The following ADAMTS3 variants were observed in gnomAD, a reference collection of about 807,000 sequenced individuals.
ADAMTS3 encodes A disintegrin and metalloproteinase with thrombospondin motifs 3.
ADAMTS3 carries 73 observed loss-of-function variants against 129.0 expected under a neutral mutation model. The observed-to-expected ratio is 0.57, with a 90% confidence interval of 0.47 to 0.69. The LOEUF (loss-of-function observed/expected upper bound fraction) is 0.69. Ranked by LOEUF, ADAMTS3 falls within the 30% of genes least tolerant of loss-of-function variation. The probability of loss-of-function intolerance (pLI) is 0.00; values close to 1 mark genes in which losing one functional copy is unlikely to be tolerated. For missense variants in ADAMTS3, 1,457 were observed against 1,514.5 expected, an observed-to-expected ratio of 0.96 and a Z score of 0.63; for synonymous variants, 477 against 510.8, an observed-to-expected ratio of 0.93 and a Z score of 0.89.
intron 4 of ADAMTS3, among the ~76,000 whole-genome samples, chr4:72,403,784 T>C (rs995533852): frequency 6.6e-6 from 1 of 151,936 alleles, no homozygotes; most frequent in Non-Finnish European, 1.5e-5. Context: ...CTTGAACACA[T>C]AGGGTTTCTG....
chr4:72,339,239 C>T (rs1191679564), intron 5 of ADAMTS3, among the ~76,000 whole-genome samples: 1 of 152,168 alleles, frequency 6.6e-6, no homozygotes, highest in Admixed American at 6.5e-5. Flanking sequence ...CTCATTATGG[C>T]TTTTTAAATT....
intron 3 of ADAMTS3, among the ~76,000 whole-genome samples, chr4:72,449,946 A>G (rs1242445882): frequency 6.6e-6 from 1 of 151,662 alleles, no homozygotes; most frequent in Non-Finnish European, 1.5e-5. Flanking sequence ...ATGTAACACT[A>G]AACTTATTTA....
intron 4 of ADAMTS3, among the ~76,000 whole-genome samples, chr4:72,391,725 G>C (rs1387259132): frequency 6.6e-6 from 1 of 152,032 alleles, no homozygotes; most frequent in Admixed American, 6.6e-5. Context: ...TAGAAAACCA[G>C]GGAAGTGTTC....
chr4:72,513,877 T>C (rs986911076), intron 3 of ADAMTS3, among the ~76,000 whole-genome samples: 2 of 152,158 alleles, frequency 1.3e-5, no homozygotes, highest in Non-Finnish European at 2.9e-5. Context: ...TGTCTGTTAT[T>C]AGGGTAAACA....
At position 72,500,023 on chromosome 4, in the gene ADAMTS3, C is replaced by T. The variant is rs116994538; in HGVS notation, c.504+48455G>A. Among the ~76,000 whole-genome samples, 378 of 152,216 alleles carry T rather than the reference C, an allele frequency of 2.5e-3. 3 individuals are homozygous for T. The highest frequency in any genetic ancestry group is 0.018 in the East Asian group (95 of 5,184). On this transcript the variant is annotated intron_variant, in intron 3 of 21. Coordinates refer to ENST00000286657, the MANE Select transcript of ADAMTS3 (RefSeq NM_014243.3). ...TACCACATTTTCTTTATCCAATCCACGACTGATGAACACTTAGATTGATTC... is the reference window on the plus strand; with the variant it reads ...TACCACATTTTCTTTATCCAATCCATGACTGATGAACACTTAGATTGATTC...
chr4:72,378,264 C>T (rs1251154360), intron 4 of ADAMTS3, among the ~76,000 whole-genome samples: 1 of 152,150 alleles, frequency 6.6e-6, no homozygotes, highest in Non-Finnish European at 1.5e-5. Context: ...CCATAATCCA[C>T]TTTAAATTGG....
At chr4:72,478,798 T>G (rs1418455809) in intron 3 of ADAMTS3, among the ~76,000 whole-genome samples, 1 of 151,914 alleles carries the variant, frequency 6.6e-6, no homozygotes, top group Non-Finnish European at 1.5e-5. Flanking sequence ...AAAACCCCAT[T>G]GTCTCAGCCC....
intron 3 of ADAMTS3, among the ~76,000 whole-genome samples, chr4:72,502,262 T>G (rs1356993389): frequency 6.6e-6 from 1 of 152,114 alleles, no homozygotes; most frequent in South Asian, 2.1e-4. Flanking sequence ...TTTTTGGTGG[T>G]AAGTTTTTTA....
At chr4:72,487,152 G>T (rs1719612118) in intron 3 of ADAMTS3, among the ~76,000 whole-genome samples, 1 of 152,034 alleles carries the variant, frequency 6.6e-6, no homozygotes, top group South Asian at 2.1e-4. Context: ...TCTATAAAAG[G>T]TATGTCAACT....
chr4:72,516,904 T>C (rs1720500606), intron 3 of ADAMTS3, among the ~76,000 whole-genome samples: 1 of 152,158 alleles, frequency 6.6e-6, no homozygotes, highest in South Asian at 2.1e-4. Context: ...AGGGCATCCC[T>C]GTCTTGTGCC....
chr4:72,475,353 G>A (rs2109998429), intron 3 of ADAMTS3, among the ~76,000 whole-genome samples: 1 of 151,948 alleles, frequency 6.6e-6, no homozygotes, highest in East Asian at 1.9e-4. Context: ...AAAATCATAA[G>A]TGGCTATACT....
chr4:72,533,768 G>A (rs1051174440), intron 3 of ADAMTS3, among the ~76,000 whole-genome samples: 4 of 137,202 alleles, frequency 2.9e-5, no homozygotes, highest in Admixed American at 1.5e-4. Context: ...AGCTGTAATA[G>A]CAGTTAGGTC....
intron 5 of ADAMTS3, among the ~76,000 whole-genome samples, chr4:72,329,654 C>T (rs1719793510): frequency 1.3e-5 from 2 of 151,968 alleles, no homozygotes; most frequent in African/African-American, 2.4e-5. Flanking sequence ...AGTCTCTAGA[C>T]AGTCACTCCA....
intron 4 of ADAMTS3, among the ~76,000 whole-genome samples, chr4:72,404,250 T>A (rs1246984604): frequency 2.0e-5 from 3 of 152,114 alleles, no homozygotes; most frequent in African/African-American, 7.2e-5. Context: ...GGAAGCATCA[T>A]ACTATGGGAC....
chr4:72,508,022 A>G (rs1720209012), intron 3 of ADAMTS3, among the ~76,000 whole-genome samples: 1 of 152,220 alleles, frequency 6.6e-6, no homozygotes, highest in African/African-American at 2.4e-5. Context: ...ATGCATAATA[A>G]CATGGACTGT....
intron 3 of ADAMTS3, among the ~76,000 whole-genome samples, chr4:72,503,788 A>T (rs964627878): frequency 8.5e-5 from 13 of 152,168 alleles, no homozygotes; most frequent in Non-Finnish European, 1.6e-4. Flanking sequence ...CCAATGTTGG[A>T]TGTGTATATA....
At chr4:72,304,350 T>A (rs1472115425) in intron 16 of ADAMTS3, among the ~76,000 whole-genome samples, 1 of 152,124 alleles carries the variant, frequency 6.6e-6, no homozygotes, top group Admixed American at 6.6e-5. Flanking sequence ...TTTGAAAACA[T>A]CGTCAAAGAG....
Position 72,323,042 on chromosome 4 carries a change from A to T in ADAMTS3, c.917T>A (p.Val306Glu). 6.2e-7 allele frequency: 1 copy of T among 1,613,656 alleles called. No homozygotes were observed. The highest frequency in any genetic ancestry group is 8.5e-7 in the Non-Finnish European group (1 of 1,179,732). Residue 306 changes from valine to glutamate, a missense_variant, in exon 6 of 22, where the codon GTG becomes GAG. Coordinates refer to ENST00000286657, the MANE Select transcript of ADAMTS3 (RefSeq NM_014243.3). ...TGCATATCCCAGCATTATCATGCGCACCAGGACCACATTTATATGCACTCC... is the reference window on the plus strand; with the variant it reads ...TGCATATCCCAGCATTATCATGCGCTCCAGGACCACATTTATATGCACTCC... ...SLGVHINVVL[V>E]RMIMLGYAKS...
At chr4:72,450,356 A>G (rs1718362988) in intron 3 of ADAMTS3, among the ~76,000 whole-genome samples, 1 of 151,726 alleles carries the variant, frequency 6.6e-6, no homozygotes, top group Non-Finnish European at 1.5e-5. Flanking sequence ...GCACCATGGA[A>G]GAGCATGCAA....
Sources: gnomAD v4.1 joint callset for allele counts (sites outside exome capture counted in the v4.1 genomes callset) on GRCh38, gnomAD v4.1.1 for gene constraint, MANE v1.5 for transcripts, NCBI Gene and HGNC (gene_info 2026-07-23, HGNC 2026-07-21) for gene names.